Variants in RBFOX3 observed in about 807,000 individuals in gnomAD.
RBFOX3 encodes the protein RNA binding protein fox-1 homolog 3.
Under a neutral mutation model 48.7 loss-of-function variants are expected in RBFOX3, and 17 were observed. The ratio of observed to expected loss-of-function variants is 0.35; its 90% CI spans 0.24 to 0.52. The LOEUF is 0.52. RBFOX3 is among the 20% of genes least tolerant of loss of function. RBFOX3 has a pLI of 0.94. For synonymous variants in RBFOX3, 212 were observed against 209.5 expected (o/e 1.01, Z -0.10); for missense variants, 382 against 497.5 (o/e 0.77, Z 2.21).
intron 1 of RBFOX3, among the ~76,000 whole-genome samples, chr17:79,489,886 G>C (rs1702672): frequency 0.35 from 53,389 of 151,942 alleles, 9,660 homozygotes; most frequent in East Asian, 0.63. Context: ...TCTGTACCCC[G>C]CAAAACATAA....
At chr17:79,522,453 C>T (rs1490366265) in intron 1 of RBFOX3, among the ~76,000 whole-genome samples, 2 of 152,170 alleles carry the variant, frequency 1.3e-5, no homozygotes, top group Non-Finnish European at 2.9e-5. Flanking sequence ...CCCCACCGCA[C>T]ACCACCCCTG....
At chr17:79,209,513 C>T (rs1057263910) in intron 4 of RBFOX3, among the ~76,000 whole-genome samples, 2 of 152,204 alleles carry the variant, frequency 1.3e-5, no homozygotes, top group Admixed American at 6.5e-5. Flanking sequence ...TCTCATTCCC[C>T]ATACTGGGGA....
At chr17:79,602,611 G>A (rs2093730794) in intron 1 of RBFOX3, among the ~76,000 whole-genome samples, 1 of 152,138 alleles carries the variant, frequency 6.6e-6, no homozygotes, top group Non-Finnish European at 1.5e-5. Context: ...TGTGCCTAAT[G>A]GCATGACATC....
chr17:79,507,880 G>A (rs1409435975), intron 1 of RBFOX3, among the ~76,000 whole-genome samples: 1 of 152,224 alleles, frequency 6.6e-6, no homozygotes, highest in Non-Finnish European at 1.5e-5. Context: ...TCCTGGGCCT[G>A]GGCAGCCCAT....
In RBFOX3 at chr17:79,212,481, C is replaced by T. The variant is rs543973978; in HGVS notation, c.-34+23285G>A. Among the ~76,000 whole-genome samples, 7 of 152,298 alleles carry T rather than the reference C, an allele frequency of 4.6e-5. No homozygotes were observed. Among genetic ancestry groups the T allele is most frequent in the Non-Finnish European group, 8.8e-5 (6 of 68,010 alleles). On this transcript the variant is annotated intron_variant, in intron 4 of 14. Transcript: ENST00000693108. The surrounding 1 kb of genome is among the most constrained non-coding windows in gnomAD (Gnocchi z 4.7). ...AGGGGCCACCCTGTTTTTAGGGGGT[C>T]GGGTCTCACCCTGGGCCCCCCAGTC...
intron 3 of RBFOX3, among the ~76,000 whole-genome samples, chr17:79,274,103 G>A (rs925661686): frequency 1.2e-4 from 18 of 152,152 alleles, no homozygotes; most frequent in African/African-American, 3.4e-4. Context: ...GAGAGAAGGC[G>A]GTGTGCCCTG....
At position 79,516,657 on chromosome 17, in the gene RBFOX3, G is replaced by C. The variant is rs919296945; in HGVS notation, c.-319-34059C>G. 2.6e-5 allele frequency among the ~76,000 whole-genome samples: 4 copies of C among 152,342 alleles called. No homozygotes were observed. The South Asian group carries it at 8.3e-4, about 32-fold the overall frequency. On this transcript the variant is annotated intron_variant, in intron 1 of 14. Transcript: ENST00000693108. ...GGGATGGAAAGTCTCAGGTAACTCA[G>C]ATGAGAAGCTAGGAGCAGCGAGATG... is the stretch of plus-strand genomic sequence containing the variant.
chr17:79,091,803 TA>T, intron 14 of RBFOX3: 1 of 314,606 alleles, frequency 3.2e-6, no homozygotes, highest in Non-Finnish European at 4.6e-6. Flanking sequence ...CCTGCGGTGC[TA>T]AGGGGCTCCC....
At chr17:79,656,646 A>AG in the RBFOX3 span, among the ~76,000 whole-genome samples, 12 of 145,178 alleles carry the variant, frequency 8.3e-5, no homozygotes, top group African/African-American at 2.9e-4. Flanking sequence ...AAGGAAGAGA[A>AG]GAAAGAAAGG....
chr17:79,211,279 A>G (rs1315462291), intron 4 of RBFOX3, among the ~76,000 whole-genome samples: 1 of 152,136 alleles, frequency 6.6e-6, no homozygotes, highest in Non-Finnish European at 1.5e-5. Flanking sequence ...CAGGATGCTC[A>G]TTTTGGCACA....
chr17:79,540,905 CG>C (rs1357402284), intron 1 of RBFOX3, among the ~76,000 whole-genome samples: 3 of 152,182 alleles, frequency 2.0e-5, no homozygotes, highest in Non-Finnish European at 4.4e-5. Context: ...GCCAGAGACA[CG>C]GGGCCACTAG....
intron 2 of RBFOX3, among the ~76,000 whole-genome samples, chr17:79,478,622 A>C (rs1420924013): frequency 6.6e-6 from 1 of 152,216 alleles, no homozygotes; most frequent in Non-Finnish European, 1.5e-5. Flanking sequence ...GTGGTTTAGG[A>C]AAATTCAGGT....
At chr17:79,431,883 G>A (rs1196378528) in intron 2 of RBFOX3, among the ~76,000 whole-genome samples, 2 of 152,284 alleles carry the variant, frequency 1.3e-5, no homozygotes, top group Non-Finnish European at 2.9e-5. Flanking sequence ...TCCAGCCATC[G>A]CCACCTTCCA....
At chr17:79,096,620 T>TTG in intron 12 of RBFOX3, 33 bp downstream of exon 12, 14 of 1,502,328 alleles carry the variant, frequency 9.3e-6, no homozygotes, top group Non-Finnish European at 1.3e-5. Flanking sequence ...GAACGCCTGA[T>TTG]CCCACCCTCC....
chr17:79,308,544 C>T (rs1393060959), intron 2 of RBFOX3, among the ~76,000 whole-genome samples: 2 of 152,162 alleles, frequency 1.3e-5, no homozygotes, highest in East Asian at 1.9e-4. Flanking sequence ...CTCACTCTGC[C>T]GATCTGTGTT....
In RBFOX3 at chr17:79,363,807, G is replaced by A. The variant is rs552615496; in HGVS notation, c.-174-55983C>T. The stretch of plus-strand genomic sequence containing the variant: ...CTGACTGAGGAAGGTCAATCAGCTC[G>A]CACCCCTGCCCCACTCAGAACTCTC... On this transcript the variant is annotated intron_variant, in intron 2 of 14. Transcript: ENST00000693108. The surrounding 1 kb of genome is among the most constrained non-coding windows in gnomAD (Gnocchi z 4.7). Among the ~76,000 whole-genome samples the A allele has an allele frequency of 2.8e-4, 43 of 151,962 alleles. No individual in the cohort carries two copies. The highest frequency in any genetic ancestry group is 4.7e-4 in the Non-Finnish European group (32 of 67,984).
chr17:79,474,823 G>A (rs2077500085), intron 2 of RBFOX3, among the ~76,000 whole-genome samples: 1 of 151,964 alleles, frequency 6.6e-6, no homozygotes, highest in Non-Finnish European at 1.5e-5. Flanking sequence ...CAGCACCCGT[G>A]CCCACCCAAA....
chr17:79,287,960 G>A (rs115629964), intron 3 of RBFOX3, among the ~76,000 whole-genome samples: 1,896 of 152,294 alleles, frequency 0.012, 31 homozygotes, highest in African/African-American at 0.042. Flanking sequence ...CAGTTAAGTC[G>A]GGCCATTCCG....
At chr17:79,329,485 C>T (rs985402001) in intron 2 of RBFOX3, among the ~76,000 whole-genome samples, 3 of 152,160 alleles carry the variant, frequency 2.0e-5, no homozygotes, top group Admixed American at 1.3e-4. Context: ...TACGTGGCCA[C>T]GCCATCAACC....
Sources: gnomAD v4.1 joint callset for allele counts (sites outside exome capture counted in the v4.1 genomes callset) on GRCh38, gnomAD v4.1.1 for gene constraint, Gnocchi (gnomAD v3.1) non-coding constraint, MANE v1.5 for transcripts, NCBI Gene and HGNC (gene_info 2026-07-23, HGNC 2026-07-21) for gene names.